A4GALT: variants seen among roughly 807,000 people sequenced by gnomAD.
The protein encoded by A4GALT is lactosylceramide 4-alpha-galactosyltransferase.
For synonymous variants in A4GALT, 257 were observed against 220.7 expected (o/e 1.16, Z -1.46); for missense variants, 512 against 486.0 (o/e 1.05, Z -0.50).
chr22:42,705,927 G>A (rs1921036000), intron 1 of A4GALT, among the ~76,000 whole-genome samples: 1 of 120,434 alleles, frequency 8.3e-6, no homozygotes, highest in South Asian at 3.3e-4. Context: ...GGTAATGTGT[G>A]CCTGTCATCC....
chr22:42,717,052 G>T (rs1187084017), intron 1 of A4GALT, among the ~76,000 whole-genome samples: 2 of 152,148 alleles, frequency 1.3e-5, no homozygotes. Context: ...AGGGGAAGGT[G>T]TGTGGGCACA....
chr22:42,693,126 CGCCGCGGCAGG>C lies in A4GALT; in HGVS notation c.815_825del (p.Ala272GlyfsTer7). The C allele has an allele frequency of 1.9e-6, 3 of 1,608,946 alleles. No individual in the cohort carries two copies. The highest frequency in any genetic ancestry group is 1.7e-6 in the Non-Finnish European group (2 of 1,178,070). On this transcript the variant is annotated frameshift_variant, in exon 3 of 3. Coordinates refer to ENST00000642412, the MANE Select transcript of A4GALT (RefSeq NM_017436.7). LOFTEE classifies it low-confidence loss of function (END_TRUNC). ...AAGGCCTCAGGGGGCAGGGTGGTGACGCCGCGGCAGGCGCGGCTCTCGGCCAGGCTGCGGAT... is the reference window on the plus strand; with the variant it reads ...AAGGCCTCAGGGGGCAGGGTGGTGACCGCGGCTCTCGGCCAGGCTGCGGAT...
chr22:42,704,211 A>C (rs532512858), intron 1 of A4GALT, among the ~76,000 whole-genome samples: 1 of 152,146 alleles, frequency 6.6e-6, no homozygotes, highest in South Asian at 2.1e-4. Flanking sequence ...GCCCAGGCGC[A>C]GTGGCTCATG....
rs1289139446 is a variant in A4GALT, at chr22:42,692,147, G to A, written c.*743C>T. 6.0e-6 allele frequency: 1 copy of A among 167,302 alleles called. No individual in the cohort carries two copies. Among genetic ancestry groups the A allele is most frequent in the Non-Finnish European group, 1.3e-5 (1 of 75,758 alleles). The allele number at this position is 167,302 out of a possible 1,614,324, so 10.4% of individuals were successfully genotyped here. A position where few individuals can be genotyped will look rare whatever the true frequency, so the allele number is the denominator to read the frequency against. On this transcript the variant is annotated 3_prime_UTR_variant, in exon 3 of 3. Coordinates refer to ENST00000642412, the MANE Select transcript of A4GALT (RefSeq NM_017436.7). The surrounding 1 kb of genome is among the most constrained non-coding windows in gnomAD (Gnocchi z 4.6). Reference sequence around the variant, plus strand: ...GACAGTCGGTCACTTTTATTCTATTGATTATTCTCCTGTGTTTATAATGCG... The same window carrying A: ...GACAGTCGGTCACTTTTATTCTATTAATTATTCTCCTGTGTTTATAATGCG...
At chr22:42,709,540 A>G (rs180910315) in intron 1 of A4GALT, among the ~76,000 whole-genome samples, 2 of 152,092 alleles carry the variant, frequency 1.3e-5, no homozygotes, top group Non-Finnish European at 2.9e-5. Context: ...CTGTAATCCC[A>G]GCAGTTTGGG....
In A4GALT at chr22:42,693,312, AGCGGGACTGG is replaced by A. The variant is rs1173175354; in HGVS notation, c.630_639del (p.Gln211ThrfsTer136). 2 of 1,612,992 alleles carry A rather than the reference AGCGGGACTGG, an allele frequency of 1.2e-6. No individual in the cohort carries two copies. The highest frequency in any genetic ancestry group is 1.7e-6 in the Non-Finnish European group (2 of 1,179,994). On this transcript the variant is annotated frameshift_variant, in exon 3 of 3. Transcript: ENST00000642412. LOFTEE classifies it low-confidence loss of function (END_TRUNC). ...GCCAGGAACGCGCCGTTGAGGACGT[AGCGGGACTGG>A]GTGCCCAGCACGTTGGTCAGGTTCC...
chr22:42,720,986 G>T (rs1243283867), upstream of A4GALT: 1 of 151,242 alleles, frequency 6.6e-6, no homozygotes, highest in East Asian at 2.0e-4. Flanking sequence ...CCCTTGCGGG[G>T]TCCCCGCGAC....
intron 1 of A4GALT, among the ~76,000 whole-genome samples, chr22:42,720,241 G>A (rs992497525): frequency 1.2e-4 from 18 of 152,196 alleles, no homozygotes; most frequent in Non-Finnish European, 2.5e-4. Flanking sequence ...CACGGGGAGG[G>A]CCCTTCCCGC....
At chr22:42,712,057 C>G (rs952503772) in intron 1 of A4GALT, among the ~76,000 whole-genome samples, 6 of 152,176 alleles carry the variant, frequency 3.9e-5, no homozygotes, top group Admixed American at 2.0e-4. Flanking sequence ...ATTACAGCTG[C>G]CTCATTATTT....
At chr22:42,711,640 G>GT (rs1376694260) in intron 1 of A4GALT, among the ~76,000 whole-genome samples, 11 of 150,762 alleles carry the variant, frequency 7.3e-5, no homozygotes, top group Middle Eastern at 3.2e-3. Context: ...TTTGTTTTTT[G>GT]TTTTTTTTTC....
chr22:42,720,400 G>C (rs1400852351), intron 1 of A4GALT, among the ~76,000 whole-genome samples: 1 of 152,138 alleles, frequency 6.6e-6, no homozygotes, highest in African/African-American at 2.4e-5. Context: ...GGCTTCCCCC[G>C]GACGGAGGAG....
At chr22:42,694,253 C>A (rs1930757290) in intron 2 of A4GALT, among the ~76,000 whole-genome samples, 1 of 152,256 alleles carries the variant, frequency 6.6e-6, no homozygotes, top group Admixed American at 6.5e-5. Context: ...ACCCAAGGAC[C>A]AGGCCAGTGC....
intron 1 of A4GALT, among the ~76,000 whole-genome samples, chr22:42,709,063 A>T (rs1412320890): frequency 5.4e-5 from 5 of 93,208 alleles, no homozygotes; most frequent in Non-Finnish European, 7.9e-5. Context: ...ATATATATAT[A>T]TATATTTTTT....
chr22:42,706,199 C>CA lies in A4GALT; in HGVS notation c.-187-10569dup, dbSNP rs562910100. 5.1e-3 allele frequency among the ~76,000 whole-genome samples: 725 copies of CA among 141,222 alleles called. 51 individuals are homozygous for CA. Among genetic ancestry groups the CA allele is most frequent in the Non-Finnish European group, 7.9e-3 (512 of 64,758 alleles). The allele number at this position is 141,222 out of a possible 152,430, so 92.6% of individuals were successfully genotyped here. ...TGAAACCCCGTCTCTACTAAAAATA[C>CA]AAAAAATTAGCCAGGCGTGGTGGCG... On this transcript the variant is annotated intron_variant, in intron 1 of 2. Transcript: ENST00000642412.
At chr22:42,718,800 T>C (rs1328977741) in intron 1 of A4GALT, among the ~76,000 whole-genome samples, 1 of 152,008 alleles carries the variant, frequency 6.6e-6, no homozygotes, top group Admixed American at 6.6e-5. Context: ...CCAATGAAAA[T>C]GCAGGGTGAT....
At chr22:42,716,749 G>T (rs1922216267) in intron 1 of A4GALT, among the ~76,000 whole-genome samples, 1 of 152,176 alleles carries the variant, frequency 6.6e-6, no homozygotes, top group Non-Finnish European at 1.5e-5. Context: ...GAGCATGGTG[G>T]CTGAGAGGGT....
Position 42,693,528 on chromosome 22 carries a change from G to A in A4GALT, c.424C>T (p.Leu142Phe). Residue 142 changes from leucine to phenylalanine, a missense_variant, in exon 3 of 3, where the codon CTC (leucine) becomes TTC (phenylalanine). Leu to Phe is a conservative substitution (Grantham distance 22). Coordinates refer to ENST00000642412, the MANE Select transcript of A4GALT (RefSeq NM_017436.7). Reference protein sequence around the residue: ...LLSCFPNVQMLPLDLRELFRD... With the variant: ...LLSCFPNVQMFPLDLRELFRD... Reference sequence around the variant, plus strand: ...AACAGCTCCCGCAGGTCCAGCGGGAGCATCTGGACATTCGGGAAGCAGCTC... The same window carrying A: ...AACAGCTCCCGCAGGTCCAGCGGGAACATCTGGACATTCGGGAAGCAGCTC... 1 of 1,613,382 alleles carries A rather than the reference G, an allele frequency of 6.2e-7. No individual in the cohort carries two copies. Among genetic ancestry groups the A allele is most frequent in the Non-Finnish European group, 8.5e-7 (1 of 1,180,006 alleles).
chr22:42,698,322 G>C (rs1160424675), intron 1 of A4GALT, among the ~76,000 whole-genome samples: 1 of 151,784 alleles, frequency 6.6e-6, no homozygotes, highest in Non-Finnish European at 1.5e-5. Flanking sequence ...ACCCCTACCA[G>C]CCAGGTTCTT....
Position 42,692,148 on chromosome 22 carries a change from A to T in A4GALT, c.*742T>A, listed in dbSNP as rs1195975588. ...ACAGTCGGTCACTTTTATTCTATTGATTATTCTCCTGTGTTTATAATGCGG... is the reference window on the plus strand; with the variant it reads ...ACAGTCGGTCACTTTTATTCTATTGTTTATTCTCCTGTGTTTATAATGCGG... On this transcript the variant is annotated 3_prime_UTR_variant, in exon 3 of 3. Coordinates refer to ENST00000642412, the MANE Select transcript of A4GALT (RefSeq NM_017436.7). The surrounding 1 kb of genome is among the most constrained non-coding windows in gnomAD (Gnocchi z 4.6). The T allele has an allele frequency of 6.0e-6, 1 of 166,768 alleles. No homozygotes were observed. Among genetic ancestry groups the T allele is most frequent in the East Asian group, 1.7e-4 (1 of 6,052 alleles). 10.3% of individuals were successfully genotyped at this position (166,768 alleles called of 1,614,324 possible).
Sources: allele counts gnomAD v4.1 joint callset (sites outside exome capture counted in the v4.1 genomes callset), GRCh38; gene constraint gnomAD v4.1.1; non-coding constraint Gnocchi (gnomAD v3.1); transcripts MANE v1.5; gene names NCBI Gene and HGNC (gene_info 2026-07-23, HGNC 2026-07-21).